Variants in PLA1A observed in about 807,000 individuals in gnomAD.
PLA1A encodes phospholipase A1 member A, also known as phosphatidylserine-specific phospholipase A1alpha.
PLA1A carries 47 observed loss-of-function variants against 49.4 expected under a neutral mutation model. The ratio of observed to expected loss-of-function variants is 0.95; its 90% CI spans 0.75 to 1.21. PLA1A has a LOEUF of 1.21. Ranked by LOEUF, PLA1A falls within the 50% of genes most tolerant of loss-of-function variation. The pLI, the probability that PLA1A is intolerant of heterozygous loss-of-function variation, is 0.00. For synonymous variants in PLA1A, 224 were observed against 207.9 expected, an observed-to-expected ratio of 1.08 and a Z score of -0.67; for missense variants, 561 against 563.9, an observed-to-expected ratio of 0.99 and a Z score of 0.05.
At chr3:119,600,399 T>C (rs2082602233) in intron 1 of PLA1A, 1 of 702,858 alleles carries the variant, frequency 1.4e-6, no homozygotes, top group African/African-American at 1.7e-5. Flanking sequence ...TCTTCCTCCA[T>C]CTGGGGTAGG....
chr3:119,609,164 G>C (rs551983611), intron 3 of PLA1A, among the ~76,000 whole-genome samples: 3 of 152,126 alleles, frequency 2.0e-5, no homozygotes, highest in Admixed American at 6.5e-5. Flanking sequence ...AAAATGTGTC[G>C]TGGCACTTTA....
At chr3:119,627,765 G>A (rs1293870450) in intron 9 of PLA1A, among the ~76,000 whole-genome samples, 1 of 152,194 alleles carries the variant, frequency 6.6e-6, no homozygotes, top group Non-Finnish European at 1.5e-5. Flanking sequence ...GCTCTGCTGG[G>A]CGCCCTCCTT....
At chr3:119,628,662 G>C in intron 9 of PLA1A, 39 bp from the exon 10 acceptor site, 1 of 1,599,322 alleles carries the variant, frequency 6.3e-7, no homozygotes, top group Non-Finnish European at 8.6e-7. Flanking sequence ...GGTGGTAAGG[G>C]CTACAGTCAT....
intron 8 of PLA1A, among the ~76,000 whole-genome samples, chr3:119,621,111 A>T (rs974201474): frequency 6.6e-6 from 1 of 152,164 alleles, no homozygotes; most frequent in African/African-American, 2.4e-5. Context: ...AGATGTCCTG[A>T]CTTCTAATTC....
chr3:119,616,592 T>C (rs2082851361), intron 6 of PLA1A, among the ~76,000 whole-genome samples: 1 of 152,384 alleles, frequency 6.6e-6, no homozygotes. Flanking sequence ...TTTGGTTTTC[T>C]TATATCTTAT....
chr3:119,618,391 T>C (rs1241433769), intron 7 of PLA1A, among the ~76,000 whole-genome samples: 1 of 152,162 alleles, frequency 6.6e-6, no homozygotes, highest in African/African-American at 2.4e-5. Context: ...TCTATAGTGT[T>C]CCCTATGGCC....
chr3:119,625,570 T>C (rs1326161026), intron 9 of PLA1A, among the ~76,000 whole-genome samples: 2 of 151,926 alleles, frequency 1.3e-5, no homozygotes, highest in Non-Finnish European at 2.9e-5. Context: ...GGGATGTCAG[T>C]AGGGAGGAGG....
intron 9 of PLA1A, among the ~76,000 whole-genome samples, chr3:119,627,290 C>T (rs551864807): frequency 3.9e-5 from 6 of 152,278 alleles, no homozygotes; most frequent in East Asian, 1.9e-4. Context: ...CTTTATGCGA[C>T]GCTAAGATTT....
intron 1 of PLA1A, chr3:119,600,507 A>C: frequency 1.5e-6 from 1 of 675,310 alleles, no homozygotes; most frequent in Non-Finnish European, 2.7e-6. Flanking sequence ...TTTCTCCGCT[A>C]GACTTTGAGC....
chr3:119,604,415 G>T lies in PLA1A; in HGVS notation c.74-2359G>T, dbSNP rs113804466. On this transcript the variant is annotated intron_variant, in intron 1 of 10. Coordinates refer to ENST00000273371, the MANE Select transcript of PLA1A (RefSeq NM_015900.4). ...GAAGATGTGGTATACATACACAAAG[G>T]AATACTATTCAGCCTTTAAAAAGAA... 9.1e-3 allele frequency among the ~76,000 whole-genome samples: 1,378 copies of T among 152,234 alleles called. 6 individuals are homozygous for T. Among genetic ancestry groups the T allele is most frequent in the Non-Finnish European group, 0.012 (843 of 68,004 alleles).
chr3:119,622,243 T>C (rs1281464050), intron 8 of PLA1A, among the ~76,000 whole-genome samples: 26 of 152,012 alleles, frequency 1.7e-4, no homozygotes, highest in Admixed American at 1.7e-3. Context: ...TCTTAATCAA[T>C]GATACTTGCT....
rs139813941 is a variant in PLA1A, at chr3:119,617,986, C to G, written c.755-33C>G. The G allele has an allele frequency of 3.2e-6, 5 of 1,552,780 alleles. No homozygotes were observed. The African/African-American group carries it at 6.9e-5, about 21-fold the overall frequency. ...CAGCATAGATTTCCATTTGTCTTGA[C>G]TGAAACCTTGGTTGTGTTTTTTCTC... On this transcript the variant is annotated intron_variant, in intron 6 of 10. Transcript: ENST00000273371.
chr3:119,619,126 C>T (rs1466828049), intron 7 of PLA1A, among the ~76,000 whole-genome samples: 2 of 152,212 alleles, frequency 1.3e-5, no homozygotes, highest in Non-Finnish European at 2.9e-5. Flanking sequence ...GGCTTCCTCA[C>T]CTGTGTGCCT....
intron 8 of PLA1A, among the ~76,000 whole-genome samples, chr3:119,622,917 C>G (rs192285327): frequency 3.9e-4 from 59 of 152,256 alleles, no homozygotes; most frequent in African/African-American, 1.2e-3. Flanking sequence ...ACCTCCGCCT[C>G]TTGGGTTCAA....
chr3:119,626,889 A>G (rs1577157642), intron 9 of PLA1A, among the ~76,000 whole-genome samples: 1 of 152,294 alleles, frequency 6.6e-6, no homozygotes, highest in Non-Finnish European at 1.5e-5. Flanking sequence ...ACCTTTCATT[A>G]GACCCGCTCA....
chr3:119,612,545 GTGGCGCGATC>G (rs1458430177), intron 4 of PLA1A, among the ~76,000 whole-genome samples: 1 of 151,914 alleles, frequency 6.6e-6, no homozygotes, highest in East Asian at 1.9e-4. Context: ...CTGGAGTGCA[GTGGCGCGATC>G]TTGGCTTACT....
intron 7 of PLA1A, among the ~76,000 whole-genome samples, 181 bp downstream of exon 7, chr3:119,618,367 C>T (rs1486587603): frequency 6.6e-6 from 1 of 152,038 alleles, no homozygotes; most frequent in Non-Finnish European, 1.5e-5. Context: ...GTTCTCGTGC[C>T]CCACCCCTCA....
At chr3:119,617,519 G>C (rs2082864395) in intron 6 of PLA1A, among the ~76,000 whole-genome samples, 1 of 152,026 alleles carries the variant, frequency 6.6e-6, no homozygotes, top group African/African-American at 2.4e-5. Flanking sequence ...GAGGCAGGTG[G>C]ATCACCTGAG....
At chr3:119,603,993 A>G (rs1236240542) in intron 1 of PLA1A, among the ~76,000 whole-genome samples, 1 of 152,212 alleles carries the variant, frequency 6.6e-6, no homozygotes, top group African/African-American at 2.4e-5. Context: ...CCAAAGAATT[A>G]TTTTAACAAC....
Sources: allele counts gnomAD v4.1 joint callset (sites outside exome capture counted in the v4.1 genomes callset), GRCh38; gene constraint gnomAD v4.1.1; transcripts MANE v1.5; gene names NCBI Gene and HGNC (gene_info 2026-07-23, HGNC 2026-07-21).